ACTA2: variants seen among roughly 807,000 people sequenced by gnomAD.
ACTA2 encodes the protein actin, aortic smooth muscle.
In ACTA2, 12 loss-of-function variants were observed where a neutral mutation model predicts 39.5. That is an observed-to-expected ratio of 0.30 (90% CI 0.19 to 0.49). The LOEUF is 0.49. ACTA2 is among the 20% of genes least tolerant of loss of function. ACTA2 has a pLI of 0.99. For missense variants in ACTA2, 236 were observed against 498.8 expected (o/e 0.47, Z 5.02); for synonymous variants, 158 against 180.6 (o/e 0.88, Z 1.00).
intron 1 of ACTA2, among the ~76,000 whole-genome samples, chr10:88,963,096 A>G (rs1589409990): frequency 1.3e-5 from 2 of 151,058 alleles, no homozygotes; most frequent in East Asian, 3.9e-4. Context: ...ACCCACCCCC[A>G]TGATTCAATT....
intron 1 of ACTA2, among the ~76,000 whole-genome samples, chr10:88,982,656 C>G (rs1455782500): frequency 1.3e-5 from 2 of 152,084 alleles, no homozygotes; most frequent in Non-Finnish European, 2.9e-5. Context: ...TGAAAATGAA[C>G]TAAGTTTTTT....
intron 7 of ACTA2, chr10:88,938,510 C>G: frequency 2.2e-6 from 1 of 450,840 alleles, no homozygotes; most frequent in Non-Finnish European, 4.1e-6. Context: ...TCACTACTCA[C>G]TCCATGTGGT....
chr10:88,979,935 T>C (rs951305153), intron 1 of ACTA2, among the ~76,000 whole-genome samples: 2 of 152,248 alleles, frequency 1.3e-5, no homozygotes, highest in Admixed American at 1.3e-4. Context: ...AAGATATAGT[T>C]CTTACGTTCA....
At chr10:88,940,942 C>T (rs1845835680) in intron 6 of ACTA2, 1 of 389,184 alleles carries the variant, frequency 2.6e-6, no homozygotes, top group Admixed American at 3.5e-5. Flanking sequence ...TCAGTCTCTG[C>T]ACAATCTTCT....
intron 6 of ACTA2, 167 bp from the exon 7 acceptor site, chr10:88,939,865 C>G: frequency 2.9e-6 from 2 of 695,778 alleles, no homozygotes; most frequent in Non-Finnish European, 5.1e-6. Flanking sequence ...AGTAGGGCCA[C>G]CAGGGAACCA....
intron 1 of ACTA2, among the ~76,000 whole-genome samples, chr10:88,968,485 C>A (rs567155576): frequency 3.9e-5 from 6 of 152,126 alleles, no homozygotes; most frequent in African/African-American, 1.2e-4. Context: ...GTTGGTAACA[C>A]GGGCACTCTG....
chr10:88,972,785 CGTT>C (rs1412829928), intron 1 of ACTA2, among the ~76,000 whole-genome samples: 2 of 152,060 alleles, frequency 1.3e-5, no homozygotes, highest in African/African-American at 4.8e-5. Context: ...TTTTTCTCTG[CGTT>C]GTTTCTAGTT....
intron 1 of ACTA2, among the ~76,000 whole-genome samples, chr10:88,959,511 G>C (rs1203658267): frequency 6.6e-6 from 1 of 152,128 alleles, no homozygotes; most frequent in African/African-American, 2.4e-5. Context: ...TACAATCCCT[G>C]GAGAAGACCT....
intron 1 of ACTA2, among the ~76,000 whole-genome samples, chr10:88,981,030 G>A (rs970633661): frequency 3.9e-5 from 6 of 152,190 alleles, no homozygotes; most frequent in African/African-American, 1.4e-4. Flanking sequence ...CAGAGGGGAT[G>A]TTTGAATGAC....
At chr10:88,985,643 G>T (rs1251746964) in intron 1 of ACTA2, among the ~76,000 whole-genome samples, 1 of 152,160 alleles carries the variant, frequency 6.6e-6, no homozygotes, top group Non-Finnish European at 1.5e-5. Context: ...CTGGTAAAGA[G>T]TCCCCCACCC....
At chr10:88,981,889 C>T (rs973233111) in intron 1 of ACTA2, among the ~76,000 whole-genome samples, 2 of 152,290 alleles carry the variant, frequency 1.3e-5, no homozygotes, top group Non-Finnish European at 1.5e-5. Flanking sequence ...AGAGCCCAGG[C>T]TTTAGAGTCA....
intron 1 of ACTA2, among the ~76,000 whole-genome samples, chr10:88,977,389 C>T (rs1430528166): frequency 6.6e-6 from 1 of 151,250 alleles, no homozygotes; most frequent in Non-Finnish European, 1.5e-5. Context: ...TATGGCTAGC[C>T]AGTTTTCCCA....
At chr10:88,953,821 C>G (rs1430897398), upstream of ACTA2, among the ~76,000 whole-genome samples, 1 of 152,188 alleles carries the variant, frequency 6.6e-6, no homozygotes, top group Admixed American at 6.5e-5. Flanking sequence ...TGCTTGCTCT[C>G]TCTCGCCTGC....
chr10:88,956,260 C>G (rs75174630), upstream of ACTA2, among the ~76,000 whole-genome samples: 50 of 152,328 alleles, frequency 3.3e-4, no homozygotes, highest in East Asian at 9.5e-3. Flanking sequence ...AACAGGTTTT[C>G]AATGGGCTAA....
chr10:88,947,176 C>G, intron 3 of ACTA2, 82 bp downstream of exon 3: 1 of 1,571,202 alleles, frequency 6.4e-7, no homozygotes, highest in Admixed American at 1.7e-5. Context: ...AGTTATTTCC[C>G]CAGCAGTAGT....
At chr10:88,947,738 G>T (rs1311855259) in intron 2 of ACTA2, among the ~76,000 whole-genome samples, 1 of 152,124 alleles carries the variant, frequency 6.6e-6, no homozygotes, top group Non-Finnish European at 1.5e-5. Context: ...ATAATTATTT[G>T]TTGAAAGAAT....
chr10:88,990,848 C>A lies in ACTA2; in HGVS notation c.-24+91G>T. ...CGCTCAGTACGGAGTTGGGGAAGCT[C>A]TTTCACTTCGGAGGATTGCTCAACA... is the stretch of plus-strand genomic sequence containing the variant. On this transcript the variant is annotated intron_variant, in intron 1 of 4. Transcript: ENST00000415557. The surrounding 1 kb of genome is among the most constrained non-coding windows in gnomAD (Gnocchi z 4.9). 6.2e-7 allele frequency: 1 copy of A among 1,614,234 alleles called. No homozygotes were observed. Among genetic ancestry groups the A allele is most frequent in the Non-Finnish European group, 8.5e-7 (1 of 1,180,034 alleles).
chr10:88,947,151 T>G, intron 3 of ACTA2, 107 bp downstream of exon 3: 1 of 1,476,170 alleles, frequency 6.8e-7, no homozygotes, highest in South Asian at 1.2e-5. Flanking sequence ...AAAGTACAGT[T>G]GAGCAATGTG....
chr10:88,955,025 AAAAAAAAAG>A (rs1176451511), upstream of ACTA2, among the ~76,000 whole-genome samples: 1 of 151,482 alleles, frequency 6.6e-6, no homozygotes. Context: ...ACAAAAAAAA[AAAAAAAAAG>A]AAGAAGAAGG....
Sources: allele counts gnomAD v4.1 joint callset (sites outside exome capture counted in the v4.1 genomes callset), GRCh38; gene constraint gnomAD v4.1.1; non-coding constraint Gnocchi (gnomAD v3.1); transcripts MANE v1.5; gene names NCBI Gene and HGNC (gene_info 2026-07-23, HGNC 2026-07-21).